The following USH2A variants were observed in gnomAD, a reference collection of about 807,000 sequenced individuals.
USH2A encodes usherin.
USH2A carries 443 observed loss-of-function variants against 538.9 expected under a neutral mutation model. The observed-to-expected ratio is 0.82, with a 90% CI of 0.76 to 0.89. USH2A has a LOEUF of 0.89. Ranked by LOEUF, USH2A falls within the 40% of genes least tolerant of loss-of-function variation. The pLI is 0.00. For missense variants in USH2A, 6,633 were observed against 6,324.8 expected (o/e 1.05, Z -1.65); for synonymous variants, 2,413 against 2,273.5 (o/e 1.06, Z -1.75).
chr1:215,891,187 A>T (rs1365239318), intron 40 of USH2A, among the ~76,000 whole-genome samples: 1 of 152,198 alleles, frequency 6.6e-6, no homozygotes, highest in African/African-American at 2.4e-5. Flanking sequence ...TTTCTTAAAG[A>T]TGATCTCTTA....
At chr1:215,919,544 T>G (rs1157918505) in intron 38 of USH2A, among the ~76,000 whole-genome samples, 1 of 152,030 alleles carries the variant, frequency 6.6e-6, no homozygotes, top group Non-Finnish European at 1.5e-5. Context: ...CAATAACATA[T>G]GAGTGTAGTG....
intron 32 of USH2A, among the ~76,000 whole-genome samples, chr1:216,045,922 C>A (rs1460055065): frequency 2.0e-5 from 3 of 151,788 alleles, no homozygotes; most frequent in African/African-American, 7.3e-5. Flanking sequence ...CAAGATCATA[C>A]AATTGGAGTG....
At chr1:216,156,742 C>G (rs1451590858) in intron 21 of USH2A, among the ~76,000 whole-genome samples, 1 of 152,146 alleles carries the variant, frequency 6.6e-6, no homozygotes, top group Non-Finnish European at 1.5e-5. Context: ...AGTAAACAGA[C>G]AGCCTACAGA....
In USH2A at chr1:216,270,815, T is replaced by C. The variant is rs77490315; in HGVS notation, c.1971+18465A>G. Among the ~76,000 whole-genome samples, 74 of 152,038 alleles carry C rather than the reference T, an allele frequency of 4.9e-4. 1 individual carries two copies. The East Asian group carries it at 0.013, about 26-fold the overall frequency. On this transcript the variant is annotated intron_variant, in intron 11 of 71. Coordinates refer to ENST00000307340, the MANE Select transcript of USH2A (RefSeq NM_206933.4). ...AACTCAAACTCTTGGCCTTAAGCAG[T>C]CCTCTCGCCTCAGCCTCCCAAAGTG...
chr1:215,701,288 G>A (rs185078725), intron 61 of USH2A, among the ~76,000 whole-genome samples: 27 of 152,254 alleles, frequency 1.8e-4, no homozygotes, highest in Admixed American at 1.1e-3. Flanking sequence ...CTGTTGATTT[G>A]GGGTGGAGAA....
chr1:216,091,956 C>T (rs527797435), intron 22 of USH2A, among the ~76,000 whole-genome samples: 1 of 152,086 alleles, frequency 6.6e-6, no homozygotes, highest in East Asian at 1.9e-4. Context: ...CTTTGAGAGG[C>T]CAAGGTGGGA....
At chr1:216,223,776 G>A (rs1420307017) in intron 14 of USH2A, among the ~76,000 whole-genome samples, 1 of 152,122 alleles carries the variant, frequency 6.6e-6, no homozygotes, top group Non-Finnish European at 1.5e-5. Flanking sequence ...ACCATAAAAG[G>A]AAATCAGTTG....
chr1:216,333,492 T>C lies in USH2A; in HGVS notation c.785-5838A>G, dbSNP rs1009812599. ...TGGGACGCCATCAAGAGTACCAGCA[T>C]AGGCATAATGGGAGTTTCAGAGAAG... On this transcript the variant is annotated intron_variant, in intron 4 of 71. Coordinates refer to ENST00000307340, the MANE Select transcript of USH2A (RefSeq NM_206933.4). 2.0e-5 allele frequency among the ~76,000 whole-genome samples: 3 copies of C among 152,120 alleles called. No homozygotes were observed. The South Asian group carries it at 6.2e-4, about 32-fold the overall frequency.
intron 3 of USH2A, among the ~76,000 whole-genome samples, chr1:216,365,856 A>G (rs1281565291): frequency 6.6e-6 from 1 of 152,184 alleles, no homozygotes; most frequent in African/African-American, 2.4e-5. Flanking sequence ...AACTTTATTT[A>G]TAAAAACAGG....
chr1:215,950,825 A>T (rs1666894099), intron 37 of USH2A, among the ~76,000 whole-genome samples: 1 of 152,068 alleles, frequency 6.6e-6, no homozygotes, highest in African/African-American at 2.4e-5. Flanking sequence ...TACCATTTTA[A>T]CAAAACTGTC....
chr1:215,952,110 C>T (rs1233983410), intron 37 of USH2A, among the ~76,000 whole-genome samples: 8 of 151,368 alleles, frequency 5.3e-5, no homozygotes, highest in Non-Finnish European at 1.2e-4. Context: ...ATGATCCACC[C>T]GCCTCGGCCT....
At position 215,951,859 on chromosome 1, in the gene USH2A, TA is replaced by T. The variant is rs1195275841; in HGVS notation, c.7120+13457del. ...TTGTTGGTTTATTTTTTTTATTTTT[TA>T]TTTTTTTTATTTTTTGAGACGGAGT... On this transcript the variant is annotated intron_variant, in intron 37 of 71. Transcript: ENST00000307340. 4.1e-5 allele frequency among the ~76,000 whole-genome samples: 6 copies of T among 146,172 alleles called. No homozygotes were observed. The South Asian group carries it at 1.2e-3, about 29-fold the overall frequency.
chr1:215,956,610 G>A (rs687693), intron 37 of USH2A, among the ~76,000 whole-genome samples: 36,566 of 151,914 alleles, frequency 0.24, 4,893 homozygotes, highest in Non-Finnish European at 0.31. Flanking sequence ...GCCCTCTCAT[G>A]GCTCTGTGGG....
At chr1:215,714,848 GT>G (rs1156851015) in intron 61 of USH2A, among the ~76,000 whole-genome samples, 21 of 152,140 alleles carry the variant, frequency 1.4e-4, no homozygotes, top group African/African-American at 4.8e-4. Flanking sequence ...GGTGTAATAG[GT>G]CTAAAAATAT....
intron 11 of USH2A, among the ~76,000 whole-genome samples, chr1:216,252,680 A>G (rs1220657495): frequency 6.6e-6 from 1 of 152,198 alleles, no homozygotes; most frequent in East Asian, 1.9e-4. Flanking sequence ...ATGAACCTCA[A>G]TATCAAAGAT....
chr1:215,879,934 G>C (rs1450751759), intron 41 of USH2A, among the ~76,000 whole-genome samples: 1 of 152,000 alleles, frequency 6.6e-6, no homozygotes, highest in Non-Finnish European at 1.5e-5. Flanking sequence ...CTCTTTTATT[G>C]GTACCTTCTA....
At chr1:216,191,626 A>G (rs915586702) in intron 19 of USH2A, among the ~76,000 whole-genome samples, 1 of 151,970 alleles carries the variant, frequency 6.6e-6, no homozygotes, top group Non-Finnish European at 1.5e-5. Context: ...TATAATGAAG[A>G]TACAAACTTT....
chr1:216,040,399 T>C (rs568244140), intron 32 of USH2A, among the ~76,000 whole-genome samples: 1 of 152,138 alleles, frequency 6.6e-6, no homozygotes, highest in Non-Finnish European at 1.5e-5. Flanking sequence ...TCAGGTAGTA[T>C]TTTCTAACTA....
At chr1:215,877,735 T>C in intron 43 of USH2A, 23 bp downstream of exon 43, 1 of 1,613,110 alleles carries the variant, frequency 6.2e-7, no homozygotes, top group Non-Finnish European at 8.5e-7. Context: ...CAGCATTTGT[T>C]TTTATAGTTT....
Sources: gnomAD v4.1 joint callset for allele counts (sites outside exome capture counted in the v4.1 genomes callset) on GRCh38, gnomAD v4.1.1 for gene constraint, MANE v1.5 for transcripts, NCBI Gene and HGNC (gene_info 2026-07-23, HGNC 2026-07-21) for gene names.